Variants in UHRF2 observed in about 807,000 individuals in gnomAD.
UHRF2 encodes the protein ubiquitin like with PHD and ring finger domains 2.
A neutral mutation model predicts 96.8 loss-of-function variants in UHRF2; 23 were observed. That is an observed-to-expected ratio of 0.24 (90% confidence interval 0.17 to 0.34). The LOEUF (loss-of-function observed/expected upper bound fraction) is 0.34, where lower values mean the gene tolerates loss of function less well. Among genes scored for constraint, UHRF2 ranks in the 10% least tolerant of loss-of-function variants. The pLI is 1.00. For missense variants in UHRF2, 685 were observed against 981.5 expected (o/e 0.70, Z 4.04); for synonymous variants, 385 against 332.6 (o/e 1.16, Z -1.72).
rs533104344 is a variant in UHRF2 at position 6,468,738 on chromosome 9, G to T, written c.864-6653G>T. On this transcript the variant is annotated intron_variant, in intron 4 of 15. Transcript: ENST00000276893. ...GTGGCATTTTCAGCAGTCTTAGAAG[G>T]CATACACTGGATTTTAGGGTAACTG... 1.7e-3 allele frequency: 751 copies of T among 453,818 alleles called. 9 individuals are homozygous for T. Among genetic ancestry groups the T allele is most frequent in the South Asian group, 0.011 (730 of 64,512 alleles). The allele number at this position is 453,818 out of a possible 1,614,324, so 28.1% of individuals were successfully genotyped here. A position where few individuals can be genotyped will look rare whatever the true frequency, so the allele number is the denominator to read the frequency against.
chr9:6,484,109 A>T (rs1232555666), intron 8 of UHRF2, among the ~76,000 whole-genome samples: 1 of 142,040 alleles, frequency 7.0e-6, no homozygotes, highest in Non-Finnish European at 1.5e-5. Context: ...GTCTTGCTCT[A>T]TCACCCAGGC....
intron 8 of UHRF2, among the ~76,000 whole-genome samples, chr9:6,484,980 A>T (rs1041096026): frequency 1.3e-5 from 2 of 151,358 alleles, no homozygotes; most frequent in Admixed American, 6.6e-5. Context: ...TTTAGTAGAG[A>T]TGGGGTTACT....
At chr9:6,461,398 C>T (rs965107031) in intron 4 of UHRF2, among the ~76,000 whole-genome samples, 5 of 131,058 alleles carry the variant, frequency 3.8e-5, no homozygotes, top group Admixed American at 7.7e-5. Flanking sequence ...CTCCCCCCCG[C>T]CCCTTGTTCT....
intron 4 of UHRF2, among the ~76,000 whole-genome samples, chr9:6,474,215 A>C (rs1823423071): frequency 6.6e-6 from 1 of 152,222 alleles, no homozygotes; most frequent in Non-Finnish European, 1.5e-5. Flanking sequence ...CTATGCATTT[A>C]TGCAGTTTTT....
intron 3 of UHRF2, among the ~76,000 whole-genome samples, chr9:6,449,046 CTG>C (rs1821694268): frequency 6.6e-6 from 1 of 152,170 alleles, no homozygotes; most frequent in African/African-American, 2.4e-5. Context: ...TTGAGCACCA[CTG>C]TATTATTTTG....
chr9:6,492,010 G>A (rs1824689572), intron 9 of UHRF2, among the ~76,000 whole-genome samples: 1 of 152,202 alleles, frequency 6.6e-6, no homozygotes, highest in South Asian at 2.1e-4. Flanking sequence ...TGGGATTACA[G>A]GCATGAATCA....
At chr9:6,476,560 A>G (rs1009658177) in intron 5 of UHRF2, among the ~76,000 whole-genome samples, 6 of 152,114 alleles carry the variant, frequency 3.9e-5, no homozygotes, top group African/African-American at 1.4e-4. Flanking sequence ...ATTAGATTCT[A>G]GGTCTTTTAA....
intron 3 of UHRF2, among the ~76,000 whole-genome samples, chr9:6,441,038 C>G (rs1022664841): frequency 2.0e-5 from 3 of 152,152 alleles, no homozygotes; most frequent in Non-Finnish European, 4.4e-5. Context: ...TTCATTGATT[C>G]TCAAAATAAT....
chr9:6,441,723 G>T (rs1294567533), intron 3 of UHRF2, among the ~76,000 whole-genome samples: 1 of 151,110 alleles, frequency 6.6e-6, no homozygotes, highest in Non-Finnish European at 1.5e-5. Context: ...ATGTCTAGGT[G>T]GTTTGTGGCC....
chr9:6,455,502 T>C (rs956125110), intron 3 of UHRF2, among the ~76,000 whole-genome samples: 1 of 152,256 alleles, frequency 6.6e-6, no homozygotes. Flanking sequence ...TATTCCATGG[T>C]GTATATATGC....
intron 4 of UHRF2, among the ~76,000 whole-genome samples, chr9:6,462,348 A>T (rs1822595594): frequency 1.3e-5 from 2 of 151,970 alleles, no homozygotes; most frequent in South Asian, 2.1e-4. Context: ...AAATGATGCG[A>T]GGTGTTGAAA....
chr9:6,461,768 A>G (rs1321018927), intron 4 of UHRF2, among the ~76,000 whole-genome samples: 1 of 152,196 alleles, frequency 6.6e-6, no homozygotes, highest in African/African-American at 2.4e-5. Context: ...TTTGGAAAAC[A>G]TTATCACTCT....
intron 3 of UHRF2, among the ~76,000 whole-genome samples, chr9:6,439,102 T>G (rs1821012742): frequency 1.3e-5 from 2 of 152,242 alleles, no homozygotes; most frequent in African/African-American, 2.4e-5. Flanking sequence ...GTTAAGAGAT[T>G]TGAAATGTTT....
At chr9:6,426,829 A>G (rs183502092) in intron 2 of UHRF2, among the ~76,000 whole-genome samples, 179 of 152,184 alleles carry the variant, frequency 1.2e-3, no homozygotes, top group African/African-American at 4.0e-3. Flanking sequence ...GCTCACTGCA[A>G]CCTCTGCCTC....
chr9:6,475,599 G>C, intron 5 of UHRF2, 99 bp downstream of exon 5: 2 of 517,434 alleles, frequency 3.9e-6, no homozygotes, highest in South Asian at 6.4e-5. Context: ...GTATAAAACT[G>C]TAGACCATAC....
intron 2 of UHRF2, chr9:6,422,713 G>C (rs1820003433): frequency 1.9e-6 from 1 of 533,786 alleles, no homozygotes; most frequent in African/African-American, 1.9e-5. Context: ...GGGGTCAAGT[G>C]ATCTTCCTGC....
chr9:6,462,548 T>G (rs1478272524), intron 4 of UHRF2, among the ~76,000 whole-genome samples: 1 of 151,944 alleles, frequency 6.6e-6, no homozygotes. Context: ...CCTACTTGAG[T>G]GTTGGAAGTA....
intron 3 of UHRF2, among the ~76,000 whole-genome samples, chr9:6,451,466 G>GTTTT (rs34757017): frequency 1.4e-5 from 2 of 141,818 alleles, no homozygotes; most frequent in African/African-American, 5.1e-5. Context: ...GTTTTTTTTT[G>GTTTT]TTTTTTTTTT....
chr9:6,438,432 A>G (rs1172468027), intron 3 of UHRF2, among the ~76,000 whole-genome samples: 1 of 152,214 alleles, frequency 6.6e-6, no homozygotes, highest in Non-Finnish European at 1.5e-5. Context: ...TACTTTAACT[A>G]AATAGGCTTT....
Sources: allele counts gnomAD v4.1 joint callset (sites outside exome capture counted in the v4.1 genomes callset), GRCh38; gene constraint gnomAD v4.1.1; transcripts MANE v1.5; gene names NCBI Gene and HGNC (gene_info 2026-07-23, HGNC 2026-07-21).